The following PDE7B variants were observed in gnomAD, a reference collection of about 807,000 sequenced individuals.
The protein encoded by PDE7B is 3',5'-cyclic-AMP phosphodiesterase 7B.
Under a neutral mutation model 56.2 loss-of-function variants are expected in PDE7B, and 29 were observed. The observed-to-expected ratio is 0.52, with a 90% CI of 0.38 to 0.70. PDE7B has a LOEUF of 0.70. Among genes scored for constraint, PDE7B ranks in the 30% least tolerant of loss-of-function variants. The pLI, the probability that PDE7B is intolerant of heterozygous loss-of-function variation, is 0.00. For missense variants in PDE7B, 490 were observed against 565.0 expected (o/e 0.87, Z 1.35); for synonymous variants, 197 against 196.9 (o/e 1.00, Z 0.00).
chr6:136,057,153 G>T (rs774369693), intron 2 of PDE7B, among the ~76,000 whole-genome samples: 8 of 152,212 alleles, frequency 5.3e-5, no homozygotes, highest in Non-Finnish European at 1.0e-4. Context: ...TAAGCTAAGT[G>T]ATGTACATGC....
intron 1 of PDE7B, among the ~76,000 whole-genome samples, chr6:135,934,810 TTATATATATATTTAATAAATAAATA>T (rs1562444945): frequency 8.8e-6 from 1 of 114,112 alleles, no homozygotes; most frequent in African/African-American, 3.6e-5. Flanking sequence ...TATATATTTA[TTATATATATATTTAATAAATAAATA>T]TATATATTTA....
chr6:135,882,300 C>G (rs935748474), intron 1 of PDE7B, among the ~76,000 whole-genome samples: 1 of 152,114 alleles, frequency 6.6e-6, no homozygotes, highest in African/African-American at 2.4e-5. Flanking sequence ...TTACTGACAG[C>G]GCTAAAATAT....
intron 2 of PDE7B, among the ~76,000 whole-genome samples, chr6:135,984,509 C>T (rs1775345898): frequency 1.3e-5 from 2 of 151,994 alleles, no homozygotes; most frequent in South Asian, 4.2e-4. Flanking sequence ...ATTAATTTAC[C>T]AATTAAAGGA....
At chr6:136,108,931 T>C (rs1777701311) in intron 3 of PDE7B, 117 bp downstream of exon 3, 1 of 720,814 alleles carries the variant, frequency 1.4e-6, no homozygotes, top group Non-Finnish European at 2.5e-6. Flanking sequence ...TTCCTGAATC[T>C]CTCTTCTGCC....
At chr6:136,006,412 T>C (rs1319675450) in intron 2 of PDE7B, among the ~76,000 whole-genome samples, 1 of 152,074 alleles carries the variant, frequency 6.6e-6, no homozygotes, top group East Asian at 1.9e-4. Flanking sequence ...TTTGGTTCCA[T>C]ATGAATTTTT....
intron 8 of PDE7B, among the ~76,000 whole-genome samples, chr6:136,170,695 T>C (rs942821064): frequency 1.3e-5 from 2 of 152,216 alleles, no homozygotes; most frequent in Non-Finnish European, 2.9e-5. Flanking sequence ...TAGAGGGGGC[T>C]GTACCTTGGT....
At chr6:135,973,591 T>C (rs1157804575) in intron 2 of PDE7B, among the ~76,000 whole-genome samples, 2 of 152,158 alleles carry the variant, frequency 1.3e-5, no homozygotes, top group African/African-American at 4.8e-5. Context: ...TTCCCATCAA[T>C]AGTACACAAG....
At chr6:136,105,313 A>C (rs940418055) in intron 2 of PDE7B, among the ~76,000 whole-genome samples, 1 of 152,252 alleles carries the variant, frequency 6.6e-6, no homozygotes, top group African/African-American at 2.4e-5. Flanking sequence ...GAAAAAGTTA[A>C]TGCTGACCTG....
intron 8 of PDE7B, among the ~76,000 whole-genome samples, chr6:136,159,033 AAAT>A (rs796196386): frequency 1.7e-4 from 26 of 152,322 alleles, no homozygotes; most frequent in Middle Eastern, 3.4e-3. Context: ...AGCATCCTTA[AAAT>A]AATGACTTTA....
intron 1 of PDE7B, among the ~76,000 whole-genome samples, chr6:135,915,593 T>C (rs1020896631): frequency 2.6e-5 from 4 of 152,210 alleles, no homozygotes; most frequent in Non-Finnish European, 1.5e-5. Context: ...AATGTTCTCA[T>C]GTGTCAAAGT....
At chr6:136,003,722 C>T (rs1309806749) in intron 2 of PDE7B, among the ~76,000 whole-genome samples, 11 of 152,138 alleles carry the variant, frequency 7.2e-5, no homozygotes, top group African/African-American at 2.4e-4. Context: ...AGCTTACCAA[C>T]AAAAAATAGT....
chr6:136,048,055 G>A (rs945000090), intron 2 of PDE7B, among the ~76,000 whole-genome samples: 2 of 151,182 alleles, frequency 1.3e-5, no homozygotes, highest in African/African-American at 4.8e-5. Context: ...AGAATGTTGA[G>A]GTAGATGGAT....
chr6:136,120,336 G>A (rs913094964), intron 3 of PDE7B, among the ~76,000 whole-genome samples: 8 of 152,156 alleles, frequency 5.3e-5, no homozygotes, highest in African/African-American at 1.9e-4. Context: ...TTGGTAGAGA[G>A]ACTGATGGCT....
At chr6:136,070,512 AT>A (rs1371336506) in intron 2 of PDE7B, among the ~76,000 whole-genome samples, 1 of 150,934 alleles carries the variant, frequency 6.6e-6, no homozygotes, top group Non-Finnish European at 1.5e-5. Context: ...GAATAACAAT[AT>A]TGTTGAAAAA....
At chr6:136,068,736 G>T (rs988434993) in intron 2 of PDE7B, among the ~76,000 whole-genome samples, 1 of 152,086 alleles carries the variant, frequency 6.6e-6, no homozygotes, top group Non-Finnish European at 1.5e-5. Flanking sequence ...CGGCCTTCAA[G>T]ATTCTTATTA....
chr6:136,135,196 A>G (rs1298853069), intron 3 of PDE7B, among the ~76,000 whole-genome samples: 2 of 152,108 alleles, frequency 1.3e-5, no homozygotes, highest in Non-Finnish European at 2.9e-5. Flanking sequence ...ACTTAAAATA[A>G]CTTTTGAGTT....
At chr6:135,868,465 T>G (rs1218826603) in intron 1 of PDE7B, among the ~76,000 whole-genome samples, 1 of 152,146 alleles carries the variant, frequency 6.6e-6, no homozygotes, top group Non-Finnish European at 1.5e-5. Flanking sequence ...TCTCGCTCTG[T>G]CACCCAGTCT....
At chr6:135,869,024 CA>C (rs1775320379) in intron 1 of PDE7B, among the ~76,000 whole-genome samples, 1 of 151,696 alleles carries the variant, frequency 6.6e-6, no homozygotes, top group Admixed American at 6.6e-5. Flanking sequence ...ATCTTTTGGC[CA>C]AAAAAGTAAA....
intron 3 of PDE7B, among the ~76,000 whole-genome samples, chr6:136,109,087 G>A (rs554775312): frequency 6.6e-5 from 10 of 152,224 alleles, no homozygotes; most frequent in South Asian, 4.1e-4. Flanking sequence ...GGTGGCTCAC[G>A]CCTGTAATCC....
Sources: gnomAD v4.1 joint callset for allele counts (sites outside exome capture counted in the v4.1 genomes callset) on GRCh38, gnomAD v4.1.1 for gene constraint, MANE v1.5 for transcripts, NCBI Gene and HGNC (gene_info 2026-07-23, HGNC 2026-07-21) for gene names.